CSMD1: variants seen among roughly 807,000 people sequenced by gnomAD.
CSMD1 encodes the protein CUB and sushi domain-containing protein 1.
In CSMD1, 213 loss-of-function variants were observed where a neutral mutation model predicts 417.5. The ratio of observed to expected loss-of-function variants is 0.51; its 90% CI spans 0.46 to 0.57. The LOEUF is 0.57. Ranked by LOEUF, CSMD1 falls within the 20% of genes least tolerant of loss-of-function variation. The probability of loss-of-function intolerance (pLI) is 0.00; values close to 1 mark genes in which losing one functional copy is unlikely to be tolerated. For synonymous variants in CSMD1, 2,862 were observed against 1,736.8 expected (o/e 1.65, Z -16.11); for missense variants, 6,923 against 4,529.7 (o/e 1.53, Z -15.17).
At chr8:4,481,407 G>A (rs927641360) in intron 2 of CSMD1, among the ~76,000 whole-genome samples, 4 of 152,148 alleles carry the variant, frequency 2.6e-5, no homozygotes, top group African/African-American at 9.7e-5. Context: ...GGAGACCTTG[G>A]ATCACAGTTG....
intron 3 of CSMD1, among the ~76,000 whole-genome samples, chr8:4,263,669 T>C (rs926450299): frequency 6.6e-5 from 10 of 152,298 alleles, no homozygotes; most frequent in Admixed American, 5.9e-4. Context: ...CAATATAATT[T>C]TGAATTATTT....
intron 26 of CSMD1, among the ~76,000 whole-genome samples, chr8:3,245,077 G>C (rs910998277): frequency 6.6e-6 from 1 of 152,238 alleles, no homozygotes; most frequent in African/African-American, 2.4e-5. Flanking sequence ...GGACGTGTTA[G>C]CATTGTGAAT....
chr8:3,002,422 C>A (rs1214117051), intron 52 of CSMD1, among the ~76,000 whole-genome samples: 1 of 152,202 alleles, frequency 6.6e-6, no homozygotes, highest in East Asian at 1.9e-4. Context: ...CAAGAGATCC[C>A]AGCCATTTCT....
intron 1 of CSMD1, among the ~76,000 whole-genome samples, chr8:4,927,850 A>G (rs1274703932): frequency 1.3e-5 from 2 of 152,124 alleles, no homozygotes; most frequent in Non-Finnish European, 1.5e-5. Context: ...TGCCTTCAAG[A>G]TATACCCAGA....
At chr8:4,615,175 G>A (rs533102463) in intron 2 of CSMD1, among the ~76,000 whole-genome samples, 63 of 152,120 alleles carry the variant, frequency 4.1e-4, no homozygotes, top group South Asian at 3.9e-3. Context: ...ATCTATTATC[G>A]CCCTTACACT....
chr8:3,174,419 C>A (rs1232327069), intron 37 of CSMD1, among the ~76,000 whole-genome samples: 1 of 152,110 alleles, frequency 6.6e-6, no homozygotes, highest in Non-Finnish European at 1.5e-5. Context: ...TGCTTGAACC[C>A]AAGAGGTTGA....
intron 39 of CSMD1, among the ~76,000 whole-genome samples, chr8:3,155,898 G>C (rs1194530192): frequency 6.6e-6 from 1 of 152,170 alleles, no homozygotes; most frequent in East Asian, 1.9e-4. Context: ...GTTTCGTGCA[G>C]TTTTATTTTC....
At chr8:3,916,222 C>T (rs370719985) in intron 5 of CSMD1, among the ~76,000 whole-genome samples, 6 of 151,966 alleles carry the variant, frequency 3.9e-5, no homozygotes, top group South Asian at 2.1e-4. Flanking sequence ...TGTTGCCAAC[C>T]GGTCATTTAT....
intron 3 of CSMD1, among the ~76,000 whole-genome samples, chr8:4,122,678 G>A (rs1482279185): frequency 6.6e-6 from 1 of 152,112 alleles, no homozygotes; most frequent in African/African-American, 2.4e-5. Context: ...AGACCCTCAG[G>A]GGCTGCAGCT....
chr8:4,138,506 A>C (rs1427238360), intron 3 of CSMD1, among the ~76,000 whole-genome samples: 1 of 152,130 alleles, frequency 6.6e-6, no homozygotes, highest in African/African-American at 2.4e-5. Flanking sequence ...AAAATGTACA[A>C]AATCTCAGGA....
chr8:4,841,460 C>T (rs2118577), intron 1 of CSMD1, among the ~76,000 whole-genome samples: 28,696 of 151,878 alleles, frequency 0.19, 2,998 homozygotes, highest in African/African-American at 0.28. Flanking sequence ...CAGTGTTAAA[C>T]GAATAAACTA....
In CSMD1 at chr8:4,173,309, A is replaced by T. The variant is rs1173012096; in HGVS notation, c.416-141210T>A. ...TGTCTGAGTTCCAAATTGAAGTGGG[A>T]AATTTGTGCTGTATATGGCAAACCT... On this transcript the variant is annotated intron_variant, in intron 3 of 69. Coordinates refer to ENST00000635120, the MANE Select transcript of CSMD1 (RefSeq NM_033225.6). Among the ~76,000 whole-genome samples, 13 of 152,298 alleles carry T rather than the reference A, an allele frequency of 8.5e-5. No individual in the cohort carries two copies. In the South Asian group the frequency reaches 2.7e-3, roughly 32 times the overall value.
At chr8:4,134,808 A>G (rs1803318698) in intron 3 of CSMD1, among the ~76,000 whole-genome samples, 1 of 152,158 alleles carries the variant, frequency 6.6e-6, no homozygotes, top group Non-Finnish European at 1.5e-5. Flanking sequence ...TTATTTTAAC[A>G]CAAATTTTGT....
chr8:3,031,853 G>C lies in CSMD1; in HGVS notation c.7661-2340C>G, dbSNP rs543816660. On this transcript the variant is annotated intron_variant, in intron 50 of 69. Coordinates refer to ENST00000635120, the MANE Select transcript of CSMD1 (RefSeq NM_033225.6). Reference sequence around the variant, plus strand: ...TTATCTTAGGCTAGTTTGATTATTTGCTCACATCTCTCTTTTTTTTTTTTG... The same window carrying C: ...TTATCTTAGGCTAGTTTGATTATTTCCTCACATCTCTCTTTTTTTTTTTTG... 1.1e-3 allele frequency among the ~76,000 whole-genome samples: 138 copies of C among 125,462 alleles called. 1 individual carries two copies. Among genetic ancestry groups the C allele is most frequent in the African/African-American group, 3.8e-3 (126 of 33,354 alleles). The allele number at this position is 125,462 out of a possible 152,430, so 82.3% of individuals were successfully genotyped here. A position where few individuals can be genotyped will look rare whatever the true frequency, so the allele number is the denominator to read the frequency against.
At chr8:4,082,318 G>C (rs939376128) in intron 3 of CSMD1, among the ~76,000 whole-genome samples, 2 of 152,098 alleles carry the variant, frequency 1.3e-5, no homozygotes, top group African/African-American at 4.8e-5. Context: ...TTTAATATTT[G>C]ATATTACAAA....
chr8:3,182,602 G>GTGTGTT (rs1821413926), intron 36 of CSMD1, among the ~76,000 whole-genome samples: 1 of 60,532 alleles, frequency 1.7e-5, no homozygotes, highest in Non-Finnish European at 5.4e-5. Flanking sequence ...GTGTGTGTGT[G>GTGTGTT]TGTGTGTGTG....
chr8:4,025,495 G>T lies in CSMD1; in HGVS notation c.610+6410C>A, dbSNP rs565832009. ...AATTAAGAAGGCATTTAAATCAAGA[G>T]GCAAAAGCATTTTTCATTGAAACTA... On this transcript the variant is annotated intron_variant, in intron 4 of 69. Coordinates refer to ENST00000635120, the MANE Select transcript of CSMD1 (RefSeq NM_033225.6). 3.3e-5 allele frequency among the ~76,000 whole-genome samples: 5 copies of T among 152,266 alleles called. No individual in the cohort carries two copies. In the East Asian group the frequency reaches 7.7e-4, roughly 24 times the overall value.
intron 7 of CSMD1, among the ~76,000 whole-genome samples, chr8:3,696,119 C>T (rs1261569162): frequency 6.6e-6 from 1 of 152,180 alleles, no homozygotes; most frequent in African/African-American, 2.4e-5. Context: ...CTTGAATTTT[C>T]ACTTGAAGCC....
At chr8:4,333,309 T>C (rs771494184) in intron 3 of CSMD1, among the ~76,000 whole-genome samples, 6 of 152,090 alleles carry the variant, frequency 3.9e-5, no homozygotes, top group African/African-American at 9.7e-5. Context: ...TCAGATGCTG[T>C]TGAACATCTA....
Sources: gnomAD v4.1 joint callset for allele counts (sites outside exome capture counted in the v4.1 genomes callset) on GRCh38, gnomAD v4.1.1 for gene constraint, MANE v1.5 for transcripts, NCBI Gene and HGNC (gene_info 2026-07-23, HGNC 2026-07-21) for gene names.